PDE10A: variants seen among roughly 807,000 people sequenced by gnomAD.
PDE10A encodes the protein cAMP and cAMP-inhibited cGMP 3',5'-cyclic phosphodiesterase 10A.
In PDE10A, 39 loss-of-function variants were observed where a neutral mutation model predicts 97.7. The observed-to-expected ratio is 0.40, with a 90% CI of 0.31 to 0.52. The LOEUF (loss-of-function observed/expected upper bound fraction) is 0.52. Among genes scored for constraint, PDE10A ranks in the 20% least tolerant of loss-of-function variants. PDE10A has a pLI of 0.56. For missense variants in PDE10A, 731 were observed against 1,047.8 expected (o/e 0.70, Z 4.17); for synonymous variants, 371 against 376.8 (o/e 0.98, Z 0.18).
intron 1 of PDE10A, among the ~76,000 whole-genome samples, chr6:165,847,146 T>C (rs1369175525): frequency 2.6e-5 from 4 of 152,192 alleles, no homozygotes. Context: ...TCACAGCAGA[T>C]AGAGCCAGAC....
chr6:165,568,293 C>A (rs972114470), intron 1 of PDE10A, among the ~76,000 whole-genome samples: 2 of 152,164 alleles, frequency 1.3e-5, no homozygotes, highest in African/African-American at 4.8e-5. Flanking sequence ...GCCACCGCAT[C>A]CGGCCAGCAT....
chr6:165,686,845 T>C (rs1332073259), intron 1 of PDE10A, among the ~76,000 whole-genome samples: 1 of 152,226 alleles, frequency 6.6e-6, no homozygotes, highest in Non-Finnish European at 1.5e-5. Flanking sequence ...TTTGGGACCC[T>C]GGCTCTTACC....
intron 1 of PDE10A, among the ~76,000 whole-genome samples, chr6:165,757,999 A>T (rs1348377137): frequency 6.6e-6 from 1 of 152,254 alleles, no homozygotes; most frequent in Non-Finnish European, 1.5e-5. Flanking sequence ...TATAAATGAC[A>T]GGAAATTGAA....
chr6:165,782,520 G>A (rs1718570441), intron 1 of PDE10A, among the ~76,000 whole-genome samples: 1 of 152,228 alleles, frequency 6.6e-6, no homozygotes, highest in Non-Finnish European at 1.5e-5. Flanking sequence ...TCCAGAGTTA[G>A]AGATCAGTGT....
At chr6:165,526,806 C>T (rs1029276264) in intron 2 of PDE10A, among the ~76,000 whole-genome samples, 30 of 152,204 alleles carry the variant, frequency 2.0e-4, no homozygotes, top group African/African-American at 6.0e-4. Context: ...GTCCATAAGG[C>T]CCAGCAGAAG....
intron 13 of PDE10A, among the ~76,000 whole-genome samples, chr6:165,402,285 T>A (rs1357443479): frequency 6.6e-6 from 1 of 152,078 alleles, no homozygotes; most frequent in African/African-American, 2.4e-5. Flanking sequence ...AAATTTTTAG[T>A]CATTTATTTT....
At chr6:165,829,919 G>A (rs534326814) in intron 1 of PDE10A, among the ~76,000 whole-genome samples, 5 of 152,270 alleles carry the variant, frequency 3.3e-5, no homozygotes, top group African/African-American at 9.6e-5. Flanking sequence ...GCTGTACTAC[G>A]TTAGCAGGTA....
intron 1 of PDE10A, among the ~76,000 whole-genome samples, chr6:165,831,987 C>A (rs1370025097): frequency 6.6e-6 from 1 of 151,622 alleles, no homozygotes; most frequent in Admixed American, 6.6e-5. Flanking sequence ...AACAAAAAAA[C>A]CACAGAAACC....
At chr6:165,817,622 G>T (rs988364970) in intron 1 of PDE10A, among the ~76,000 whole-genome samples, 8 of 152,134 alleles carry the variant, frequency 5.3e-5, no homozygotes, top group African/African-American at 1.7e-4. Flanking sequence ...TGGATGGCTG[G>T]TCCCTGCAAC....
intron 1 of PDE10A, among the ~76,000 whole-genome samples, chr6:165,640,859 T>G (rs1312101029): frequency 6.6e-6 from 1 of 152,258 alleles, no homozygotes; most frequent in Non-Finnish European, 1.5e-5. Flanking sequence ...AGTATGATAA[T>G]TTTGCATTGG....
intron 18 of PDE10A, among the ~76,000 whole-genome samples, chr6:165,343,844 T>C (rs1365680552): frequency 6.6e-6 from 1 of 152,220 alleles, no homozygotes; most frequent in Admixed American, 6.5e-5. Flanking sequence ...TCATTTTCAT[T>C]GAATTTTGGA....
chr6:165,523,943 C>T (rs1157190628), intron 2 of PDE10A, among the ~76,000 whole-genome samples: 1 of 152,016 alleles, frequency 6.6e-6, no homozygotes, highest in African/African-American at 2.4e-5. Flanking sequence ...GAAGACGGGC[C>T]CACTCTTAAT....
intron 15 of PDE10A, 103 bp from the exon 16 acceptor site, chr6:165,392,899 T>C: frequency 2.0e-6 from 2 of 994,422 alleles, no homozygotes; most frequent in South Asian, 2.9e-5. Flanking sequence ...CCTTATACAT[T>C]TGCAACTCTA....
chr6:165,901,157 C>CAT (rs1301720243), intron 1 of PDE10A, among the ~76,000 whole-genome samples: 9 of 152,338 alleles, frequency 5.9e-5, no homozygotes, highest in African/African-American at 2.2e-4. Flanking sequence ...GGAAGCCCCT[C>CAT]ATCTATCAGG....
intron 1 of PDE10A, among the ~76,000 whole-genome samples, chr6:165,846,876 T>G (rs1780433941): frequency 6.6e-6 from 1 of 152,162 alleles, no homozygotes; most frequent in Non-Finnish European, 1.5e-5. Context: ...GACTGCAGCT[T>G]CTCTCACGAA....
At chr6:165,650,260 T>C (rs947919808) in intron 1 of PDE10A, among the ~76,000 whole-genome samples, 1 of 152,218 alleles carries the variant, frequency 6.6e-6, no homozygotes, top group African/African-American at 2.4e-5. Context: ...TGAAATTTAA[T>C]TTTTGAATGG....
intron 1 of PDE10A, among the ~76,000 whole-genome samples, chr6:165,827,098 G>A (rs1779781366): frequency 1.3e-5 from 2 of 152,170 alleles, no homozygotes; most frequent in Admixed American, 1.3e-4. Flanking sequence ...TGTCGGGGCC[G>A]ACCCGGGAGA....
At chr6:165,515,467 T>C (rs1156642254) in intron 2 of PDE10A, among the ~76,000 whole-genome samples, 2 of 151,324 alleles carry the variant, frequency 1.3e-5, no homozygotes, top group Admixed American at 6.6e-5. Flanking sequence ...AATCATTTTA[T>C]CATAAAATAA....
rs185703320 is a variant in PDE10A, at chr6:165,650,487, T to A, written c.865+11460A>T. ...TATGCTTTTATTGTCCTTTCTAACA[T>A]AAAAATGTATCTGAGTGTGTGTGTA... On this transcript the variant is annotated intron_variant, in intron 1 of 21. Coordinates refer to ENST00000539869, the MANE Select transcript of PDE10A (RefSeq NM_001385079.1). Among the ~76,000 whole-genome samples, 393 of 124,468 alleles carry A rather than the reference T, an allele frequency of 3.2e-3. 3 individuals are homozygous for A. Among genetic ancestry groups the A allele is most frequent in the Non-Finnish European group, 4.9e-3 (279 of 56,364 alleles). 81.7% of individuals were successfully genotyped at this position (124,468 alleles called of 152,430 possible).
Sources: gnomAD v4.1 joint callset for allele counts (sites outside exome capture counted in the v4.1 genomes callset) on GRCh38, gnomAD v4.1.1 for gene constraint, MANE v1.5 for transcripts, NCBI Gene and HGNC (gene_info 2026-07-23, HGNC 2026-07-21) for gene names.